Variants in TFEC observed in about 807,000 individuals in gnomAD.
TFEC encodes transcription factor EC.
Under a neutral mutation model 41.6 loss-of-function variants are expected in TFEC, and 31 were observed. That is an observed-to-expected ratio of 0.74 (90% confidence interval 0.56 to 1.01). TFEC has a LOEUF of 1.01. Ranked by LOEUF, TFEC falls within the 50% of genes least tolerant of loss-of-function variation. The pLI is 0.00. For missense variants in TFEC, 402 were observed against 404.1 expected (o/e 0.99, Z 0.04); for synonymous variants, 143 against 140.6 (o/e 1.02, Z -0.12).
chr7:115,974,587 GTATC>G (rs139565014), intron 2 of TFEC, among the ~76,000 whole-genome samples: 14,648 of 150,284 alleles, frequency 0.097, 1,037 homozygotes, highest in East Asian at 0.38. Context: ...TTGGAAATCA[GTATC>G]TACATAAATA....
intron 3 of TFEC, among the ~76,000 whole-genome samples, chr7:116,061,430 C>T (rs922207085): frequency 1.3e-5 from 2 of 152,110 alleles, no homozygotes; most frequent in African/African-American, 4.8e-5. Flanking sequence ...TAATCCATAA[C>T]TTGCACTATA....
At position 116,158,145 on chromosome 7, in the gene TFEC, TG is replaced by T. The variant is rs1379724907; in HGVS notation, c.-69+1644del. Among the ~76,000 whole-genome samples, 10 of 152,284 alleles carry T rather than the reference TG, an allele frequency of 6.6e-5. No individual in the cohort carries two copies. In the South Asian group the frequency reaches 1.7e-3, roughly 25 times the overall value. ...AAAACTGAATAACTACCCAAACTTT[TG>T]TTTTTGAAAACTTAACACATTTTTG... On this transcript the variant is annotated intron_variant, in intron 1 of 8. Coordinates refer to the TFEC transcript ENST00000484212.
intron 1 of TFEC, among the ~76,000 whole-genome samples, chr7:116,027,562 A>C (rs1409897836): frequency 6.6e-6 from 1 of 152,174 alleles, no homozygotes; most frequent in South Asian, 2.1e-4. Flanking sequence ...AAGCCACTAC[A>C]CTGAAGCCTG....
chr7:115,990,748 C>A (rs1794071997), intron 1 of TFEC, among the ~76,000 whole-genome samples: 1 of 152,206 alleles, frequency 6.6e-6, no homozygotes, highest in African/African-American at 2.4e-5. Flanking sequence ...ACCAAATCTA[C>A]ATCTGATTGG....
chr7:116,033,934 T>C (rs923739687), upstream of TFEC, among the ~76,000 whole-genome samples: 5 of 152,130 alleles, frequency 3.3e-5, no homozygotes, highest in African/African-American at 1.2e-4. Flanking sequence ...TTAAGCTCCT[T>C]CCAGTAAGGC....
At chr7:115,955,786 TAC>T (rs766118012) in intron 4 of TFEC, among the ~76,000 whole-genome samples, 31 of 152,188 alleles carry the variant, frequency 2.0e-4, no homozygotes, top group Admixed American at 9.8e-4. Flanking sequence ...AATAAGATAA[TAC>T]ATTTTATTTA....
At chr7:116,014,838 G>A (rs1042566484) in intron 1 of TFEC, among the ~76,000 whole-genome samples, 39 of 152,228 alleles carry the variant, frequency 2.6e-4, no homozygotes, top group African/African-American at 8.7e-4. Flanking sequence ...GTAGGTATCA[G>A]AGTGATGTGG....
At chr7:116,098,183 G>A (rs573982251) in intron 3 of TFEC, among the ~76,000 whole-genome samples, 3 of 151,254 alleles carry the variant, frequency 2.0e-5, no homozygotes, top group African/African-American at 7.3e-5. Context: ...TTTTTGAGAC[G>A]GAGTCTCACT....
At chr7:115,952,522 G>T (rs1483659900) in intron 5 of TFEC, among the ~76,000 whole-genome samples, 1 of 151,874 alleles carries the variant, frequency 6.6e-6, no homozygotes, top group African/African-American at 2.4e-5. Flanking sequence ...CAAAATAAGG[G>T]ACTGTTTTTG....
chr7:116,143,557 A>C (rs543175115), intron 1 of TFEC, among the ~76,000 whole-genome samples: 1 of 152,338 alleles, frequency 6.6e-6, no homozygotes, highest in Admixed American at 6.5e-5. Flanking sequence ...TATTTAGTGA[A>C]CTGAAATTGC....
chr7:116,125,080 A>G (rs1798182922), intron 1 of TFEC, among the ~76,000 whole-genome samples: 1 of 152,214 alleles, frequency 6.6e-6, no homozygotes. Context: ...ATGTTTTGTG[A>G]GTACAAAGTA....
chr7:116,045,516 T>C (rs952827322), intron 3 of TFEC, among the ~76,000 whole-genome samples: 1 of 152,170 alleles, frequency 6.6e-6, no homozygotes, highest in Non-Finnish European at 1.5e-5. Flanking sequence ...TGAGCCTGCG[T>C]GTACATAGAA....
In TFEC at chr7:116,022,891, G is replaced by A. The variant is rs1486409791; in HGVS notation, c.-73+7742C>T. 4.6e-5 allele frequency among the ~76,000 whole-genome samples: 7 copies of A among 152,034 alleles called. No individual in the cohort carries two copies. The East Asian group carries it at 5.8e-4, about 13-fold the overall frequency. On this transcript the variant is annotated intron_variant, in intron 1 of 7. Coordinates refer to ENST00000265440, the MANE Select transcript of TFEC (RefSeq NM_012252.4). The stretch of plus-strand genomic sequence containing the variant: ...TCTCATTTAATAACCATGAAACCCC[G>A]TGAGGTAGATCAGGTTTACAAATGA...
At chr7:116,099,759 T>C (rs1797562062) in intron 3 of TFEC, among the ~76,000 whole-genome samples, 1 of 152,190 alleles carries the variant, frequency 6.6e-6, no homozygotes, top group Non-Finnish European at 1.5e-5. Flanking sequence ...AACATAGTTG[T>C]TTTAGGTCAC....
intron 3 of TFEC, chr7:115,968,364 A>G: frequency 7.2e-7 from 1 of 1,382,364 alleles, no homozygotes; most frequent in Non-Finnish European, 9.4e-7. Flanking sequence ...CTAGATTGTG[A>G]TTGACAAAAG....
At chr7:115,963,530 A>G (rs942565277) in intron 3 of TFEC, among the ~76,000 whole-genome samples, 3 of 151,818 alleles carry the variant, frequency 2.0e-5, no homozygotes, top group Non-Finnish European at 4.4e-5. Context: ...ATGTCCATCA[A>G]CAGATGAATA....
At chr7:116,133,785 G>A (rs772481221) in intron 1 of TFEC, among the ~76,000 whole-genome samples, 23 of 152,016 alleles carry the variant, frequency 1.5e-4, no homozygotes, top group Admixed American at 3.3e-4. Flanking sequence ...TGTAGTAAAC[G>A]CTAAAACTTT....
chr7:116,151,384 A>G (rs1798757815), intron 1 of TFEC, among the ~76,000 whole-genome samples: 1 of 151,936 alleles, frequency 6.6e-6, no homozygotes, highest in South Asian at 2.1e-4. Flanking sequence ...TTGGGGCTAC[A>G]GGCACCCACC....
intron 3 of TFEC, among the ~76,000 whole-genome samples, chr7:116,040,194 C>T (rs1309723100): frequency 6.6e-6 from 1 of 152,052 alleles, no homozygotes; most frequent in African/African-American, 2.4e-5. Context: ...AAATAAAAGA[C>T]TCATAGTACT....
Sources: gnomAD v4.1 joint callset for allele counts (sites outside exome capture counted in the v4.1 genomes callset) on GRCh38, gnomAD v4.1.1 for gene constraint, MANE v1.5 for transcripts, NCBI Gene and HGNC (gene_info 2026-07-23, HGNC 2026-07-21) for gene names.